The following JPH4 variants were observed in gnomAD, a reference collection of about 807,000 sequenced individuals.
JPH4 encodes junctophilin-4.
A neutral mutation model predicts 57.6 loss-of-function variants in JPH4; 18 were observed. The ratio of observed to expected loss-of-function variants is 0.31; its 90% CI spans 0.22 to 0.46. The LOEUF (loss-of-function observed/expected upper bound fraction) is 0.46, where lower values mean the gene tolerates loss of function less well. Among genes scored for constraint, JPH4 ranks in the 20% least tolerant of loss-of-function variants. The probability of loss-of-function intolerance (pLI) is 1.00; values close to 1 mark genes in which losing one functional copy is unlikely to be tolerated. For missense variants in JPH4, 727 were observed against 911.1 expected, an observed-to-expected ratio of 0.80 and a Z score of 2.60; for synonymous variants, 425 against 406.6, an observed-to-expected ratio of 1.05 and a Z score of -0.54.
Position 23,576,400 on chromosome 14 carries a change from T to C in JPH4, c.436A>G (p.Ser146Gly). 7.1e-7 allele frequency: 1 copy of C among 1,413,556 alleles called. No homozygotes were observed. Among genetic ancestry groups the C allele is most frequent in the Non-Finnish European group, 9.2e-7 (1 of 1,090,314 alleles). The allele number at this position is 1,413,556 out of a possible 1,614,324, so 87.6% of individuals were successfully genotyped here. The change falls in exon 3 of 6, where the codon AGT becomes GGT. Residue 146 changes from serine (S) to glycine (G), a missense_variant. By Grantham distance (56) the Ser-to-Gly change is moderately conservative (BLOSUM62 0). Transcript: ENST00000356300. This position sits in a 1 kb window ranked among gnomAD's most constrained non-coding sequence, Gnocchi z 8.0. ...AGCGCCGCCTGATGGTAGGGCACAC[T>C]CTGGCGTACCCCGTAGCCGTGGCGC... ...GKRHGYGVRQ[S>G]VPYHQAALLR...
In JPH4 at chr14:23,569,759, A is replaced by G; in HGVS notation, c.1804-42T>C. On this transcript the variant is annotated intron_variant, in intron 5 of 5. Transcript: ENST00000356300. This position sits in a 1 kb window ranked among gnomAD's most constrained non-coding sequence, Gnocchi z 4.8. The stretch of plus-strand genomic sequence containing the variant: ...GGAAGCAGACTCAGTCCCCGAGGAC[A>G]GGGCCCACCTTCCTGCCCTGACTGA... The G allele has an allele frequency of 4.4e-6, 6 of 1,364,306 alleles. No homozygotes were observed. Among genetic ancestry groups the G allele is most frequent in the African/African-American group, 1.4e-5 (1 of 69,158 alleles). The allele number at this position is 1,364,306 out of a possible 1,614,324, so 84.5% of individuals were successfully genotyped here.
At position 23,575,035 on chromosome 14, in the gene JPH4, C is replaced by T. The variant is rs1331934916; in HGVS notation, c.1151+650G>A. ...CAGCACTGCTTTAGATAGCAAGGTT[C>T]CTGATGCAAGGAAATGTAATTTGAT... On this transcript the variant is annotated intron_variant, in intron 3 of 5. Coordinates refer to ENST00000356300, the MANE Select transcript of JPH4 (RefSeq NM_001146028.2). The surrounding 1 kb of genome is among the most constrained non-coding windows in gnomAD (Gnocchi z 6.9). The T allele has an allele frequency of 6.5e-6, 1 of 153,676 alleles. No individual in the cohort carries two copies. Among genetic ancestry groups the T allele is most frequent in the Non-Finnish European group, 1.4e-5 (1 of 69,200 alleles). The allele number at this position is 153,676 out of a possible 1,614,324, so 9.5% of individuals were successfully genotyped here.
At position 23,575,773 on chromosome 14, in the gene JPH4, T is replaced by C; in HGVS notation, c.1063A>G (p.Lys355Glu). 1 of 1,585,932 alleles carries C rather than the reference T, an allele frequency of 6.3e-7. No individual in the cohort carries two copies. Among genetic ancestry groups the C allele is most frequent in the Non-Finnish European group, 8.6e-7 (1 of 1,167,916 alleles). Residue 355 changes from lysine (K) to glutamate (E), a missense_variant, in exon 3 of 6, where the codon AAG becomes GAG. By Grantham distance (56) the Lys-to-Glu change is moderately conservative. Around this residue, in one of 7 missense-constraint regions of JPH4, gnomAD observed 112 missense variants for 199.4 expected, o/e 0.56. Transcript: ENST00000356300. This position sits in a 1 kb window ranked among gnomAD's most constrained non-coding sequence, Gnocchi z 6.9. ...SLLPLALRRG[K>E]VKEKVDRAVE... Reference sequence around the variant, plus strand: ...GCCCTGTCCACCTTCTCCTTAACCTTGCCCCGCCGAAGGGCCAGAGGCAGG... The same window carrying C: ...GCCCTGTCCACCTTCTCCTTAACCTCGCCCCGCCGAAGGGCCAGAGGCAGG...
Position 23,576,235 on chromosome 14 carries a change from C to G in JPH4, c.601G>C (p.Gly201Arg). The change falls in exon 3 of 6, where the codon GGG becomes CGG. Residue 201 changes from glycine (G) to arginine (R), a missense_variant. Gly to Arg is a moderately radical substitution (Grantham distance 125, BLOSUM62 -2). Transcript: ENST00000356300. The surrounding 1 kb of genome is among the most constrained non-coding windows in gnomAD (Gnocchi z 8.0). ...SRGGFVLAGPGDADGASSRKR... is the reference protein window; with the variant it reads ...SRGGFVLAGPRDADGASSRKR... Reference sequence around the variant, plus strand: ...CGGGACGACGCGCCGTCGGCGTCCCCGGGCCCGGCCAGCACGAAGCCGCCC... The same window carrying G: ...CGGGACGACGCGCCGTCGGCGTCCCGGGGCCCGGCCAGCACGAAGCCGCCC... 1 of 1,270,382 alleles carries G rather than the reference C, an allele frequency of 7.9e-7. No homozygotes were observed. Among genetic ancestry groups the G allele is most frequent in the Non-Finnish European group, 9.9e-7 (1 of 1,010,038 alleles). 78.7% of individuals were successfully genotyped at this position (1,270,382 alleles called of 1,614,324 possible). A position where few individuals can be genotyped will look rare whatever the true frequency, so the allele number is the denominator to read the frequency against.
At position 23,571,784 on chromosome 14, in the gene JPH4, C is replaced by G. The variant is rs200257620; in HGVS notation, c.1270+18G>C. 6.2e-6 allele frequency: 10 copies of G among 1,606,574 alleles called. No homozygotes were observed. Among genetic ancestry groups the G allele is most frequent in the African/African-American group, 4.0e-5 (3 of 74,840 alleles). Reference sequence around the variant, plus strand: ...CCTAGGGGCCTCACTGCCCTCCCCCCAGCTGTCCATGCCTCACCTGGGGCC... The same window carrying G: ...CCTAGGGGCCTCACTGCCCTCCCCCGAGCTGTCCATGCCTCACCTGGGGCC... On this transcript the variant is annotated intron_variant, in intron 4 of 5. Coordinates refer to ENST00000356300, the MANE Select transcript of JPH4 (RefSeq NM_001146028.2). This position sits in a 1 kb window ranked among gnomAD's most constrained non-coding sequence, Gnocchi z 4.6.
Position 23,577,401 on chromosome 14 carries a change from C to T in JPH4, c.53G>A (p.Gly18Asp). ...GCCATGTGCCCGCCCCGCCTCCCAGCCCCCCACGTAGCAGCCCCCGTCGTC... is the reference window on the plus strand; with the variant it reads ...GCCATGTGCCCGCCCCGCCTCCCAGTCCCCCACGTAGCAGCCCCCGTCGTC... ...DFDDGGCYVG[G>D]WEAGRAHGYG... The change falls in exon 2 of 6, where the codon GGC becomes GAC. Residue 18 changes from glycine (G) to aspartate (D), a missense_variant. Gly to Asp is a moderately conservative substitution (Grantham distance 94). Around this residue, in one of 7 missense-constraint regions of JPH4, gnomAD observed 83 missense variants for 135.4 expected, o/e 0.61. Transcript: ENST00000356300. The surrounding 1 kb of genome is among the most constrained non-coding windows in gnomAD (Gnocchi z 8.4). 6.8e-7 allele frequency: 1 copy of T among 1,469,652 alleles called. No homozygotes were observed. The highest frequency in any genetic ancestry group is 2.7e-5 in the East Asian group (1 of 37,240). The allele number at this position is 1,469,652 out of a possible 1,614,324, so 91.0% of individuals were successfully genotyped here. A position where few individuals can be genotyped will look rare whatever the true frequency, so the allele number is the denominator to read the frequency against.
chr14:23,576,023 GGGC>G lies in JPH4; in HGVS notation c.810_812del (p.Pro271del). 1.5e-6 allele frequency: 2 copies of G among 1,349,632 alleles called. No homozygotes were observed. The highest frequency in any genetic ancestry group is 1.9e-6 in the Non-Finnish European group (2 of 1,057,158). 83.6% of individuals were successfully genotyped at this position (1,349,632 alleles called of 1,614,324 possible). A position where few individuals can be genotyped will look rare whatever the true frequency, so the allele number is the denominator to read the frequency against. On this transcript the variant is annotated inframe_deletion, in exon 3 of 6. Transcript: ENST00000356300. The surrounding 1 kb of genome is among the most constrained non-coding windows in gnomAD (Gnocchi z 8.0). ...CTGTGGCCGAGCCCTCGATGAGGGC[GGGC>G]GGCGCTGCGGCCGGGGGCCCGCTGG...
At position 23,576,953 on chromosome 14, in the gene JPH4, A is replaced by G; in HGVS notation, c.379+122T>C. 2 of 1,192,410 alleles carry G rather than the reference A, an allele frequency of 1.7e-6. No individual in the cohort carries two copies. Among genetic ancestry groups the G allele is most frequent in the Non-Finnish European group, 2.2e-6 (2 of 895,100 alleles). 73.9% of individuals were successfully genotyped at this position (1,192,410 alleles called of 1,614,324 possible). Reference sequence around the variant, plus strand: ...AAATTGGGGGCTGGGGGTCACATCGATGGGGAATGGTGGCGGGGGAAAGAA... The same window carrying G: ...AAATTGGGGGCTGGGGGTCACATCGGTGGGGAATGGTGGCGGGGGAAAGAA... On this transcript the variant is annotated intron_variant, in intron 2 of 5. Transcript: ENST00000356300. The surrounding 1 kb of genome is among the most constrained non-coding windows in gnomAD (Gnocchi z 8.0).
In JPH4 at chr14:23,571,400, G is replaced by A; in HGVS notation, c.1331C>T (p.Pro444Leu). Residue 444 changes from proline (P) to leucine (L), a missense_variant, in exon 5 of 6, where the codon CCT becomes CTT. Coordinates refer to ENST00000356300, the MANE Select transcript of JPH4 (RefSeq NM_001146028.2). This position sits in a 1 kb window ranked among gnomAD's most constrained non-coding sequence, Gnocchi z 4.6. ...GGTCAGTCCGTTCTCATATACCCCA[G>A]GGCTGTCCTCATCCAGGGGCTCCGT... ...SDTEPLDEDS[P>L]GVYENGLTPS... 6.2e-7 allele frequency: 1 copy of A among 1,600,070 alleles called. No homozygotes were observed. Among genetic ancestry groups the A allele is most frequent in the South Asian group, 1.1e-5 (1 of 91,050 alleles).
In JPH4 at chr14:23,568,396, C is replaced by A. The variant is rs1888888143; in HGVS notation, c.*1238G>T. On this transcript the variant is annotated 3_prime_UTR_variant, in exon 6 of 6. Transcript: ENST00000356300. ...GGGCTTCCTGCTCCCAGGGGAAAAA[C>A]TAATACCAGAGAGGGATCAGCCACA... The A allele has an allele frequency of 1.0e-6, 1 of 985,690 alleles. No homozygotes were observed. The highest frequency in any genetic ancestry group is 1.7e-5 in the African/African-American group (1 of 57,226). 61.1% of individuals were successfully genotyped at this position (985,690 alleles called of 1,614,324 possible).
chr14:23,576,540 C>G lies in JPH4; in HGVS notation c.380-84G>C, dbSNP rs1453723971. 4 of 1,201,618 alleles carry G rather than the reference C, an allele frequency of 3.3e-6. No homozygotes were observed. Among genetic ancestry groups the G allele is most frequent in the Non-Finnish European group, 4.3e-6 (4 of 935,266 alleles). 74.4% of individuals were successfully genotyped at this position (1,201,618 alleles called of 1,614,324 possible). A position where few individuals can be genotyped will look rare whatever the true frequency, so the allele number is the denominator to read the frequency against. On this transcript the variant is annotated intron_variant, in intron 2 of 5. Coordinates refer to ENST00000356300, the MANE Select transcript of JPH4 (RefSeq NM_001146028.2). This position sits in a 1 kb window ranked among gnomAD's most constrained non-coding sequence, Gnocchi z 8.0. ...CCCAAGTCCCAAGCGCCCCTGGAAG[C>G]CCAAGCGTCAGGCGGGAGAGATGGA...
Position 23,571,312 on chromosome 14 carries a change from G to A in JPH4, c.1419C>T (p.Pro473=), listed in dbSNP as rs761670874. Residue 473 remains proline, a synonymous_variant, in exon 5 of 6, where the codon CCC becomes CCT. Transcript: ENST00000356300. The surrounding 1 kb of genome is among the most constrained non-coding windows in gnomAD (Gnocchi z 4.6). The part of the protein sequence containing the change: ...SPASSRQPWR[P]PACRSPLPPG... ...GAGGCAGTGGGCTCCGGCAGGCAGG[G>A]GGTCGCCAGGGTTGGCGGGAGGAGG... is the stretch of plus-strand genomic sequence containing the variant. 1 of 1,595,852 alleles carries A rather than the reference G, an allele frequency of 6.3e-7. No individual in the cohort carries two copies. Among genetic ancestry groups the A allele is most frequent in the Admixed American group, 1.7e-5 (1 of 58,498 alleles).
chr14:23,571,090 C>T lies in JPH4; in HGVS notation c.1641G>A (p.Gly547=), dbSNP rs1889126958. Residue 547 remains glycine, a synonymous_variant, in exon 5 of 6, where the codon GGG becomes GGA. Transcript: ENST00000356300. This position sits in a 1 kb window ranked among gnomAD's most constrained non-coding sequence, Gnocchi z 4.6. ...DSSGSLREEE[G]EDEEPLPPLR... is the part of the protein sequence containing the mutation. ...GCGGGGGCAGGGGCTCTTCATCCTC[C>T]CCCTCCTCCTCTCGAAGACTTCCTG... is the stretch of plus-strand genomic sequence containing the variant. 1.9e-6 allele frequency: 3 copies of T among 1,613,742 alleles called. No homozygotes were observed. Among genetic ancestry groups the T allele is most frequent in the Non-Finnish European group, 2.5e-6 (3 of 1,179,800 alleles).
chr14:23,577,132 C>T lies in JPH4; in HGVS notation c.322G>A (p.Gly108Arg). Residue 108 changes from glycine (G) to arginine (R), a missense_variant, in exon 2 of 6, where the codon GGG (glycine) becomes AGG (arginine). Around this residue, in one of 7 missense-constraint regions of JPH4, gnomAD observed 90 missense variants for 88.1 expected, o/e 1.02. Transcript: ENST00000356300. This position sits in a 1 kb window ranked among gnomAD's most constrained non-coding sequence, Gnocchi z 8.4. Reference protein sequence around the residue: ...WESVSGLRYAGLWKDGFQDGY... With the variant: ...WESVSGLRYARLWKDGFQDGY... Reference sequence around the variant, plus strand: ...TCCTGGAAACCGTCCTTCCAGAGCCCGGCGTAGCGCAGGCCGGACACGCTT... The same window carrying T: ...TCCTGGAAACCGTCCTTCCAGAGCCTGGCGTAGCGCAGGCCGGACACGCTT... The T allele has an allele frequency of 6.4e-7, 1 of 1,554,758 alleles. No individual in the cohort carries two copies.
chr14:23,577,257 T>C lies in JPH4; in HGVS notation c.197A>G (p.Gln66Arg), dbSNP rs1889297309. ...GCCCAGCCCTTCGCGCTTGCCCTGC[T>C]GCCAGTGGCCCTGGTAGCTGTGTCC... ...PGGHSYQGHW[Q>R]QGKREGLGVE... The change falls in exon 2 of 6, where the codon CAG becomes CGG. Residue 66 changes from glutamine (Q) to arginine (R), a missense_variant. This residue lies in a region of JPH4 where 83 missense variants were observed against 135.4 expected (regional missense o/e 0.61). Transcript: ENST00000356300. The surrounding 1 kb of genome is among the most constrained non-coding windows in gnomAD (Gnocchi z 8.4). 1 of 1,537,460 alleles carries C rather than the reference T, an allele frequency of 6.5e-7. No homozygotes were observed. The highest frequency in any genetic ancestry group is 2.5e-5 in the East Asian group (1 of 40,684).
rs1428637340 is a variant in JPH4 at position 23,576,776 on chromosome 14, T to C, written c.379+299A>G. ...GCGTTTAGATAGGCAAACAGTACTC[T>C]GAGGGGCACGCCGACCCGACGGAGA... On this transcript the variant is annotated intron_variant, in intron 2 of 5. Transcript: ENST00000356300. The surrounding 1 kb of genome is among the most constrained non-coding windows in gnomAD (Gnocchi z 8.0). 6.6e-6 allele frequency among the ~76,000 whole-genome samples: 1 copy of C among 151,892 alleles called. No homozygotes were observed. The highest frequency in any genetic ancestry group is 1.9e-4 in the East Asian group (1 of 5,168).
In JPH4 at chr14:23,571,233, C is replaced by G. The variant is rs761980231; in HGVS notation, c.1498G>C (p.Gly500Arg). ...TCCTCTGCCTGTGCGCCTGCCCCCC[C>G]CCACTCCTCAGGCCAAGCTTTGGGG... ...SSPKAWPEEW[G>R]GAGAQAEELA... Residue 500 changes from glycine (G) to arginine (R), a missense_variant, in exon 5 of 6, where the codon GGG becomes CGG. By Grantham distance (125) the Gly-to-Arg change is moderately radical. Around this residue, in one of 7 missense-constraint regions of JPH4, gnomAD observed 293 missense variants for 279.8 expected, o/e 1.05. Coordinates refer to ENST00000356300, the MANE Select transcript of JPH4 (RefSeq NM_001146028.2). This position sits in a 1 kb window ranked among gnomAD's most constrained non-coding sequence, Gnocchi z 4.6. 1.1e-4 allele frequency: 173 copies of G among 1,612,102 alleles called. No individual in the cohort carries two copies. In the East Asian group the frequency reaches 2.1e-3, roughly 20 times the overall value.
chr14:23,570,943 C>T lies in JPH4; in HGVS notation c.1788G>A (p.Glu596=), dbSNP rs779785480. ...TEELGEPAAT[E]RPAQPGAANP... ...AGGATCTCACCGGCTGGGCAGGCCTCTCGGTTGCAGCGGGCTCCCCGAGCT... is the reference window on the plus strand; with the variant it reads ...AGGATCTCACCGGCTGGGCAGGCCTTTCGGTTGCAGCGGGCTCCCCGAGCT... Residue 596 remains glutamate (E), a synonymous_variant, in exon 5 of 6, where the codon GAG becomes GAA. Transcript: ENST00000356300. 1 of 1,515,112 alleles carries T rather than the reference C, an allele frequency of 6.6e-7. No individual in the cohort carries two copies. The highest frequency in any genetic ancestry group is 1.3e-5 in the South Asian group (1 of 74,946). The allele number at this position is 1,515,112 out of a possible 1,614,324, so 93.9% of individuals were successfully genotyped here. A position where few individuals can be genotyped will look rare whatever the true frequency, so the allele number is the denominator to read the frequency against.
intron 3 of JPH4, among the ~76,000 whole-genome samples, chr14:23,574,732 T>C (rs1001063730): frequency 6.6e-6 from 1 of 152,276 alleles, no homozygotes; most frequent in African/African-American, 2.4e-5. Context: ...CCAGTTGAAA[T>C]GATAATATTT....
Sources: gnomAD v4.1 joint callset for allele counts (sites outside exome capture counted in the v4.1 genomes callset) on GRCh38, gnomAD v4.1.1 for gene constraint, gnomAD v4.1.1 regional missense constraint, Gnocchi (gnomAD v3.1) non-coding constraint, MANE v1.5 for transcripts, NCBI Gene and HGNC (gene_info 2026-07-23, HGNC 2026-07-21) for gene names.